The following BTF3L4 variants were observed in gnomAD, a reference collection of about 807,000 sequenced individuals.
The protein encoded by BTF3L4 is transcription factor BTF3 homolog 4.
In BTF3L4, 6 loss-of-function variants were observed where a neutral mutation model predicts 16.8. The ratio of observed to expected loss-of-function variants is 0.36; its 90% CI spans 0.20 to 0.71. The LOEUF is 0.71. Ranked by LOEUF, BTF3L4 falls within the 30% of genes least tolerant of loss-of-function variation. The probability of loss-of-function intolerance (pLI) is 0.58; values close to 1 mark genes in which losing one functional copy is unlikely to be tolerated. For missense variants in BTF3L4, 92 were observed against 186.9 expected (o/e 0.49, Z 2.96); for synonymous variants, 39 against 59.8 (o/e 0.65, Z 1.60).
intron 2 of BTF3L4, among the ~76,000 whole-genome samples, chr1:52,064,446 C>T (rs1163887741): frequency 1.3e-5 from 2 of 152,108 alleles, no homozygotes; most frequent in East Asian, 3.8e-4. Flanking sequence ...CTTTAGACTA[C>T]TGGCAGGGGG....
intron 5 of BTF3L4, 38 bp from the exon 6 acceptor site, chr1:52,086,674 G>A: frequency 7.4e-7 from 1 of 1,349,456 alleles, no homozygotes; most frequent in Non-Finnish European, 1.0e-6. Flanking sequence ...TTCCTTTTTT[G>A]TATTCTTTGA....
At chr1:52,057,430 C>T (rs530477954) in intron 1 of BTF3L4, among the ~76,000 whole-genome samples, 5 of 152,348 alleles carry the variant, frequency 3.3e-5, no homozygotes, top group Admixed American at 6.5e-5. Context: ...TTACTTCTCC[C>T]TTTTGGGCCT....
intron 2 of BTF3L4, among the ~76,000 whole-genome samples, chr1:52,061,733 T>C (rs1686516679): frequency 7.1e-6 from 1 of 140,656 alleles, no homozygotes; most frequent in Non-Finnish European, 1.5e-5. Context: ...CTCCGCCTCC[T>C]GGATTCAGGC....
At chr1:52,075,415 A>C (rs1168256274) in intron 3 of BTF3L4, among the ~76,000 whole-genome samples, 1 of 150,880 alleles carries the variant, frequency 6.6e-6, no homozygotes. Context: ...AGCTACTCTC[A>C]GGAGGCTGAG....
intron 3 of BTF3L4, among the ~76,000 whole-genome samples, chr1:52,081,965 A>G (rs1274026256): frequency 6.6e-6 from 1 of 152,178 alleles, no homozygotes; most frequent in Non-Finnish European, 1.5e-5. Context: ...CCCACTGTCC[A>G]TGGAGAACAC....
chr1:52,077,789 A>G (rs1046552869), intron 3 of BTF3L4, among the ~76,000 whole-genome samples: 2 of 152,182 alleles, frequency 1.3e-5, no homozygotes, highest in Non-Finnish European at 2.9e-5. Context: ...ACTAACTTAC[A>G]TACCCTATGC....
intron 2 of BTF3L4, among the ~76,000 whole-genome samples, chr1:52,061,757 C>T (rs1686517424): frequency 6.7e-6 from 1 of 149,756 alleles, no homozygotes; most frequent in Non-Finnish European, 1.5e-5. Flanking sequence ...TCTCCTGCCT[C>T]AGTCTCCTGA....
chr1:52,078,072 T>C (rs1049098396), intron 3 of BTF3L4, among the ~76,000 whole-genome samples: 4 of 152,222 alleles, frequency 2.6e-5, no homozygotes, highest in African/African-American at 9.6e-5. Flanking sequence ...ATCCTTTTTT[T>C]TCCTTTTTTA....
At chr1:52,071,548 TATTAA>T (rs1686786909) in intron 3 of BTF3L4, among the ~76,000 whole-genome samples, 2 of 152,256 alleles carry the variant, frequency 1.3e-5, no homozygotes, top group Admixed American at 1.3e-4. Flanking sequence ...GCTTAGAACC[TATTAA>T]ATTTAAGAGG....
At chr1:52,064,483 GT>G (rs765924776) in intron 2 of BTF3L4, among the ~76,000 whole-genome samples, 29 of 152,192 alleles carry the variant, frequency 1.9e-4, no homozygotes, top group Admixed American at 5.2e-4. Flanking sequence ...AAAAGATAAT[GT>G]TTTAAAATTG....
chr1:52,063,608 A>G (rs1300016941), intron 2 of BTF3L4, among the ~76,000 whole-genome samples: 2 of 152,188 alleles, frequency 1.3e-5, no homozygotes, highest in African/African-American at 4.8e-5. Flanking sequence ...AACCCTCAAG[A>G]CTTAATAAAC....
Position 52,071,929 on chromosome 1 carries a change from C to CCCTG in BTF3L4, c.168+6991_168+6992insCCTG, listed in dbSNP as rs1491187855. ...TTTTGGCTTTTTGTTTTGTTTTTTA[C>CCCTG]TCTGTGTGTGTGTGTGTGTGTGTGT... On this transcript the variant is annotated intron_variant, in intron 3 of 5. Coordinates refer to ENST00000313334, the MANE Select transcript of BTF3L4 (RefSeq NM_152265.5). Among the ~76,000 whole-genome samples the CCCTG allele has an allele frequency of 3.5e-3, 274 of 78,972 alleles. 4 individuals carry two copies. The East Asian group carries it at 0.056, about 16-fold the overall frequency. The allele number at this position is 78,972 out of a possible 152,430, so 51.8% of individuals were successfully genotyped here.
rs548176693 is a variant in BTF3L4, at chr1:52,067,343, A to G, written c.168+2405A>G. 3.3e-5 allele frequency among the ~76,000 whole-genome samples: 5 copies of G among 152,378 alleles called. No homozygotes were observed. In the South Asian group the frequency reaches 1.0e-3, roughly 32 times the overall value. On this transcript the variant is annotated intron_variant, in intron 3 of 5. Transcript: ENST00000313334. ...GCATATATAAATGAATAAAATTAAC[A>G]CATCATTTAAATCTGCTTTGTACAT...
At chr1:52,059,956 T>A in intron 2 of BTF3L4, 55 bp downstream of exon 2, 1 of 1,495,494 alleles carries the variant, frequency 6.7e-7, no homozygotes, top group South Asian at 1.2e-5. Flanking sequence ...CAGATAGTGT[T>A]ATTATTTCGG....
intron 4 of BTF3L4, among the ~76,000 whole-genome samples, chr1:52,084,356 TG>T (rs1643950617): frequency 6.6e-6 from 1 of 152,056 alleles, no homozygotes; most frequent in African/African-American, 2.4e-5. Context: ...GTGGCCAGGC[TG>T]GTCTTGAGCT....
chr1:52,086,181 A>G lies in BTF3L4; in HGVS notation c.430+10A>G. The G allele has an allele frequency of 1.9e-6, 3 of 1,606,228 alleles. No homozygotes were observed. Among genetic ancestry groups the G allele is most frequent in the Non-Finnish European group, 2.6e-6 (3 of 1,175,112 alleles). On this transcript the variant is annotated intron_variant, in intron 5 of 5. Coordinates refer to ENST00000313334, the MANE Select transcript of BTF3L4 (RefSeq NM_152265.5). ...GATGATGATGTTCCAGGTAAGTGAC[A>G]TTTCCTTAGACTTAAGATTTTAAGC...
rs759979107 is a variant in BTF3L4 at position 52,090,264 on chromosome 1, T to G, written c.*3506T>G. On this transcript the variant is annotated 3_prime_UTR_variant, in exon 6 of 6. Transcript: ENST00000313334. The stretch of plus-strand genomic sequence containing the variant: ...AAATGGTACCTAGAAGAGTCATGAT[T>G]TCTTAGAATCCCCTAAATTATTAAG... 6.6e-6 allele frequency: 1 copy of G among 152,220 alleles called. No individual in the cohort carries two copies. Among genetic ancestry groups the G allele is most frequent in the Non-Finnish European group, 1.5e-5 (1 of 68,048 alleles). The allele number at this position is 152,220 out of a possible 1,614,324, so 9.4% of individuals were successfully genotyped here. A position where few individuals can be genotyped will look rare whatever the true frequency, so the allele number is the denominator to read the frequency against.
In BTF3L4 at chr1:52,071,931, C is replaced by CTGTGTGTG. The variant is rs59491944; in HGVS notation, c.168+7029_168+7036dup. ...TTGGCTTTTTGTTTTGTTTTTTACT[C>CTGTGTGTG]TGTGTGTGTGTGTGTGTGTGTGTGT... On this transcript the variant is annotated intron_variant, in intron 3 of 5. Transcript: ENST00000313334. Among the ~76,000 whole-genome samples, 585 of 127,952 alleles carry CTGTGTGTG rather than the reference C, an allele frequency of 4.6e-3. 4 individuals carry two copies. The highest frequency in any genetic ancestry group is 8.9e-3 in the African/African-American group (299 of 33,592). 83.9% of individuals were successfully genotyped at this position (127,952 alleles called of 152,430 possible).
rs74083206 is a variant in BTF3L4 at position 52,083,589 on chromosome 1, G to T, written c.370+48G>T. On this transcript the variant is annotated intron_variant, in intron 4 of 5. Coordinates refer to ENST00000313334, the MANE Select transcript of BTF3L4 (RefSeq NM_152265.5). ...TCTTTCTCTCCCCACCTTACTTAAA[G>T]AACCTAATCATTTAAAAGGTGTCCC... 1.8e-3 allele frequency: 2,654 copies of T among 1,444,420 alleles called. 36 individuals are homozygous for T. In the African/African-American group the frequency reaches 0.033, roughly 18 times the overall value. 89.5% of individuals were successfully genotyped at this position (1,444,420 alleles called of 1,614,324 possible). A position where few individuals can be genotyped will look rare whatever the true frequency, so the allele number is the denominator to read the frequency against.
Sources: allele counts gnomAD v4.1 joint callset (sites outside exome capture counted in the v4.1 genomes callset), GRCh38; gene constraint gnomAD v4.1.1; transcripts MANE v1.5; gene names NCBI Gene and HGNC (gene_info 2026-07-23, HGNC 2026-07-21).